PTPN22: variants seen among roughly 807,000 people sequenced by gnomAD.
The protein encoded by PTPN22 is tyrosine-protein phosphatase non-receptor type 22.
A neutral mutation model predicts 103.3 loss-of-function variants in PTPN22; 85 were observed. The ratio of observed to expected loss-of-function variants is 0.82; its 90% confidence interval spans 0.69 to 0.99. PTPN22 has a LOEUF of 0.99. PTPN22 is among the 50% of genes least tolerant of loss of function. PTPN22 has a pLI of 0.00. For synonymous variants in PTPN22, 323 were observed against 310.2 expected (o/e 1.04, Z -0.43); for missense variants, 865 against 936.9 (o/e 0.92, Z 1.00).
intron 3 of PTPN22, 110 bp downstream of exon 3, chr1:113,858,892 G>A (rs965700673): frequency 2.2e-5 from 32 of 1,467,436 alleles, no homozygotes; most frequent in Admixed American, 2.6e-5. Flanking sequence ...TTCCGCCTCA[G>A]CCTCCCAAAG....
At chr1:113,848,216 AT>A (rs5777168) in intron 11 of PTPN22, among the ~76,000 whole-genome samples, 32,414 of 142,572 alleles carry the variant, frequency 0.23, 4,302 homozygotes, top group South Asian at 0.4. Context: ...TCCTGGCTAA[AT>A]TTTTTTTTTT....
At position 113,854,779 on chromosome 1, in the gene PTPN22, T is replaced by C. The variant is rs1167966829; in HGVS notation, c.683+128A>G. The C allele has an allele frequency of 4.0e-6, 5 of 1,252,544 alleles. No individual in the cohort carries two copies. In the South Asian group the frequency reaches 7.5e-5, roughly 19 times the overall value. 77.6% of individuals were successfully genotyped at this position (1,252,544 alleles called of 1,614,324 possible). Reference sequence around the variant, plus strand: ...GTAACTTATCAGAAAAACATGAATTTAATGCTTAGGTTGAATTTATTATCG... The same window carrying C: ...GTAACTTATCAGAAAAACATGAATTCAATGCTTAGGTTGAATTTATTATCG... On this transcript the variant is annotated intron_variant, in intron 8 of 20. Transcript: ENST00000359785.
chr1:113,854,384 A>T (rs191933801), intron 9 of PTPN22, 87 bp downstream of exon 9: 66 of 1,202,522 alleles, frequency 5.5e-5, no homozygotes, highest in Admixed American at 1.7e-4. Flanking sequence ...TGAATCATGA[A>T]GATAGATGTT....
intron 7 of PTPN22, among the ~76,000 whole-genome samples, chr1:113,855,624 T>C (rs1203469405): frequency 6.6e-6 from 1 of 152,180 alleles, no homozygotes. Flanking sequence ...TACTAAGTTG[T>C]ATCTATATCC....
chr1:113,833,150 A>G lies in PTPN22; in HGVS notation c.2026-12T>C. The G allele has an allele frequency of 6.5e-7, 1 of 1,536,532 alleles. No homozygotes were observed. Among genetic ancestry groups the G allele is most frequent in the Non-Finnish European group, 8.9e-7 (1 of 1,124,948 alleles). On this transcript the variant is annotated splice_polypyrimidine_tract_variant and intron_variant, in intron 15 of 20. Transcript: ENST00000359785. ...CGGAGTTTTACACTCTAAAAGAAAAAAAGAAAGGAAAAGTGAAAGAAGAAT... is the reference window on the plus strand; with the variant it reads ...CGGAGTTTTACACTCTAAAAGAAAAGAAGAAAGGAAAAGTGAAAGAAGAAT...
At chr1:113,854,510 A>T in exon 9 of PTPN22, 1 of 1,614,020 alleles carries the variant, frequency 6.2e-7, no homozygotes, top group Non-Finnish European at 8.5e-7. Context: ...CAATAGCACA[A>T]ATAACACCAG....
At position 113,852,047 on chromosome 1, in the gene PTPN22, G is replaced by A. The variant is rs772970587; in HGVS notation, c.808C>T (p.Pro270Ser). The change falls in exon 10 of 21, where the codon CCT (proline) becomes TCT (serine). Residue 270 changes from proline to serine, a missense_variant. Pro to Ser is a moderately conservative substitution (Grantham distance 74, BLOSUM62 -1). Coordinates refer to ENST00000359785, the Ensembl canonical transcript of PTPN22. ...CATACCTGCGTTTGAACTAATGAAG[G>A]CCTCTGTGTCCGCATTTCCCGGATC... 3.1e-6 allele frequency: 5 copies of A among 1,610,084 alleles called. No homozygotes were observed. The highest frequency in any genetic ancestry group is 4.2e-6 in the Non-Finnish European group (5 of 1,176,508).
chr1:113,858,628 C>T (rs1171493779), intron 3 of PTPN22, 55 bp from the exon 4 acceptor site: 10 of 1,102,830 alleles, frequency 9.1e-6, no homozygotes, highest in East Asian at 2.6e-5. Context: ...CTGTTCTCAC[C>T]TAGTCCTCCG....
At chr1:113,833,272 T>G (rs1006789036) in intron 15 of PTPN22, 134 bp from the exon 16 acceptor site, 14 of 598,542 alleles carry the variant, frequency 2.3e-5, no homozygotes, top group Non-Finnish European at 3.5e-5. Flanking sequence ...AGACCCTATT[T>G]TTCCTAATTT....
intron 11 of PTPN22, among the ~76,000 whole-genome samples, chr1:113,844,158 T>G (rs1663844136): frequency 6.6e-6 from 1 of 152,164 alleles, no homozygotes; most frequent in Non-Finnish European, 1.5e-5. Context: ...GAACGATTTT[T>G]TTTTATCTTT....
exon 1 of PTPN22, chr1:113,871,667 G>T: frequency 1.9e-6 from 3 of 1,560,332 alleles, no homozygotes; most frequent in Non-Finnish European, 2.6e-6. Context: ...TTGAGGGAGG[G>T]CATGTCAAAT....
At chr1:113,853,929 G>A (rs1388703651) in intron 9 of PTPN22, among the ~76,000 whole-genome samples, 3 of 136,446 alleles carry the variant, frequency 2.2e-5, no homozygotes, top group Non-Finnish European at 4.6e-5. Context: ...GCAGTGGCGC[G>A]ATCTTGGCTC....
chr1:113,848,761 T>C, intron 10 of PTPN22, 135 bp from the exon 11 acceptor site: 2 of 785,720 alleles, frequency 2.5e-6, no homozygotes, highest in South Asian at 3.4e-5. Flanking sequence ...GGCATGTTAT[T>C]AAACTTACTA....
At chr1:113,825,700 TAAA>T (rs1255882046) in intron 18 of PTPN22, among the ~76,000 whole-genome samples, 4 of 150,880 alleles carry the variant, frequency 2.7e-5, no homozygotes, top group East Asian at 1.9e-4. Flanking sequence ...AAAAGATTAA[TAAA>T]TGTTGTTGTT....
At chr1:113,838,472 A>G in intron 12 of PTPN22, 65 bp from the exon 13 acceptor site, 1 of 1,594,150 alleles carries the variant, frequency 6.3e-7, no homozygotes, top group South Asian at 1.1e-5. Flanking sequence ...TAGCATCACA[A>G]TGATGTATAA....
rs750202491 is a variant in PTPN22 at position 113,859,001 on chromosome 1, C to T, written c.273+1G>A. 1.9e-6 allele frequency: 3 copies of T among 1,613,276 alleles called. No individual in the cohort carries two copies. In the South Asian group the frequency reaches 3.3e-5, roughly 18 times the overall value. On this transcript the variant is annotated splice_donor_variant, in intron 3 of 20. Transcript: ENST00000359785. LOFTEE classifies it high-confidence loss of function. ...AATGCTTTTATTTTCTTTCACTGTACCTTAATGAAGTTGGCATTGATGTAG... is the reference window on the plus strand; with the variant it reads ...AATGCTTTTATTTTCTTTCACTGTATCTTAATGAAGTTGGCATTGATGTAG...
chr1:113,869,375 A>C lies in PTPN22; in HGVS notation c.87+2162T>G, dbSNP rs1253956245. On this transcript the variant is annotated intron_variant, in intron 1 of 20. Coordinates refer to ENST00000359785, the Ensembl canonical transcript of PTPN22. ...ATAATGACTTTAGCTGAGAAAAGGT[A>C]AAATATTAGGGATATAGTCTACATT... Among the ~76,000 whole-genome samples, 3 of 147,864 alleles carry C rather than the reference A, an allele frequency of 2.0e-5. No individual in the cohort carries two copies. The East Asian group carries it at 6.0e-4, about 30-fold the overall frequency.
exon 1 of PTPN22, chr1:113,871,579 T>G (rs781136602): frequency 1.9e-6 from 3 of 1,614,020 alleles, no homozygotes; most frequent in Non-Finnish European, 2.5e-6. Flanking sequence ...TTTTCTTGCT[T>G]TGGGCCTCAT....
At chr1:113,814,840 A>C in exon 21 of PTPN22, 1 of 1,164,520 alleles carries the variant, frequency 8.6e-7, no homozygotes, top group Non-Finnish European at 1.3e-6. Context: ...TTTAACTAGC[A>C]GTATTCTAGT....
Sources: gnomAD v4.1 joint callset for allele counts (sites outside exome capture counted in the v4.1 genomes callset) on GRCh38, gnomAD v4.1.1 for gene constraint, MANE v1.5 for transcripts, NCBI Gene and HGNC (gene_info 2026-07-23, HGNC 2026-07-21) for gene names.